The following OLFM2 variants were observed in gnomAD, a reference collection of about 807,000 sequenced individuals.
OLFM2 encodes the protein olfactomedin 2.
In OLFM2, 20 loss-of-function variants were observed where a neutral mutation model predicts 43.9. That is an observed-to-expected ratio of 0.46 (90% CI 0.32 to 0.66). The LOEUF (loss-of-function observed/expected upper bound fraction) is 0.66. OLFM2 is among the 30% of genes least tolerant of loss of function. The pLI is 0.04. For missense variants in OLFM2, 416 were observed against 643.6 expected, an observed-to-expected ratio of 0.65 and a Z score of 3.83; for synonymous variants, 268 against 278.6, an observed-to-expected ratio of 0.96 and a Z score of 0.38.
Position 9,857,489 on chromosome 19 carries a change from A to G in OLFM2, c.361-7T>C, listed in dbSNP as rs753512590. On this transcript the variant is annotated splice_polypyrimidine_tract_variant and splice_region_variant and intron_variant, in intron 3 of 5. Transcript: ENST00000264833. This position sits in a 1 kb window ranked among gnomAD's most constrained non-coding sequence, Gnocchi z 5.7. ...TCATCCTGTCCTTCAGCTCCTGTGC[A>G]TCAAGATGGAACCATGGCCAAGCCT... 1.2e-6 allele frequency: 2 copies of G among 1,613,060 alleles called. No individual in the cohort carries two copies. The highest frequency in any genetic ancestry group is 3.3e-5 in the Admixed American group (2 of 59,992).
intron 1 of OLFM2, among the ~76,000 whole-genome samples, chr19:9,903,402 C>A (rs1222226880): frequency 6.6e-6 from 1 of 152,208 alleles, no homozygotes; most frequent in Admixed American, 6.5e-5. Flanking sequence ...TATTCACTAA[C>A]ATGTTAATCA....
At chr19:9,911,497 A>T (rs1461088790) in intron 1 of OLFM2, among the ~76,000 whole-genome samples, 2 of 152,056 alleles carry the variant, frequency 1.3e-5, no homozygotes, top group African/African-American at 4.8e-5. Flanking sequence ...ACACATACAC[A>T]CTTACAGAAA....
intron 1 of OLFM2, among the ~76,000 whole-genome samples, chr19:9,888,140 A>G (rs141655959): frequency 3.0e-4 from 46 of 152,126 alleles, no homozygotes; most frequent in African/African-American, 8.2e-4. Context: ...TATTTCTTCT[A>G]TATCACCTCT....
rs756489823 is a variant in OLFM2, at chr19:9,854,146, C to A, written c.*40G>T. On this transcript the variant is annotated 3_prime_UTR_variant, in exon 6 of 6. Transcript: ENST00000264833. The surrounding 1 kb of genome is among the most constrained non-coding windows in gnomAD (Gnocchi z 9.5). Reference sequence around the variant, plus strand: ...CAGAATGAAAAGGGCCCCCAGCCCCCAGAGGCCCCCCAGGCAGCAGCCCGA... The same window carrying A: ...CAGAATGAAAAGGGCCCCCAGCCCCAAGAGGCCCCCCAGGCAGCAGCCCGA... 1 of 1,592,674 alleles carries A rather than the reference C, an allele frequency of 6.3e-7. No individual in the cohort carries two copies. The highest frequency in any genetic ancestry group is 1.1e-5 in the South Asian group (1 of 90,386).
rs911469005 is a variant in OLFM2 at position 9,913,710 on chromosome 19, G to A, written c.63+22594C>T. 18 of 1,034,228 alleles carry A rather than the reference G, an allele frequency of 1.7e-5. No homozygotes were observed. In the African/African-American group the frequency reaches 3.2e-4, roughly 18 times the overall value. 64.1% of individuals were successfully genotyped at this position (1,034,228 alleles called of 1,614,324 possible). On this transcript the variant is annotated intron_variant, in intron 1 of 5. Coordinates refer to ENST00000264833, the MANE Select transcript of OLFM2 (RefSeq NM_058164.4). ...CGGTCCCTCGACACCCAGGCGCCCC[G>A]GGGGGGCGTGGGGGAGGGGGCACGA...
At chr19:9,910,020 T>C (rs535980338) in intron 1 of OLFM2, among the ~76,000 whole-genome samples, 1 of 152,190 alleles carries the variant, frequency 6.6e-6, no homozygotes, top group Admixed American at 6.6e-5. Context: ...AACACAGATG[T>C]CTTCAAGGAT....
Position 9,854,962 on chromosome 19 carries a change from G to A in OLFM2, c.688-99C>T. On this transcript the variant is annotated intron_variant, in intron 5 of 5. Transcript: ENST00000264833. This position sits in a 1 kb window ranked among gnomAD's most constrained non-coding sequence, Gnocchi z 9.5. The stretch of plus-strand genomic sequence containing the variant: ...ATTAGAGTTCAACAGTCACTAAGTG[G>A]TCATTAGTCATGGGAACTCTGTTGA... 2 of 890,732 alleles carry A rather than the reference G, an allele frequency of 2.2e-6. No individual in the cohort carries two copies. Among genetic ancestry groups the A allele is most frequent in the South Asian group, 3.5e-5 (2 of 56,354 alleles). 55.2% of individuals were successfully genotyped at this position (890,732 alleles called of 1,614,324 possible).
At position 9,936,287 on chromosome 19, in the gene OLFM2, G is replaced by T; in HGVS notation, c.63+17C>A. 6.5e-7 allele frequency: 1 copy of T among 1,527,466 alleles called. No individual in the cohort carries two copies. The highest frequency in any genetic ancestry group is 8.7e-7 in the Non-Finnish European group (1 of 1,143,612). 94.6% of individuals were successfully genotyped at this position (1,527,466 alleles called of 1,614,324 possible). On this transcript the variant is annotated intron_variant, in intron 1 of 5. Coordinates refer to ENST00000264833, the MANE Select transcript of OLFM2 (RefSeq NM_058164.4). Reference sequence around the variant, plus strand: ...CCCGGAGCCACCCGCGCCCGCACCTGCCCGCCGGGCCCCTACCTGTCCGGC... The same window carrying T: ...CCCGGAGCCACCCGCGCCCGCACCTTCCCGCCGGGCCCCTACCTGTCCGGC...
chr19:9,891,806 A>G (rs1380055387), intron 1 of OLFM2, among the ~76,000 whole-genome samples: 1 of 152,160 alleles, frequency 6.6e-6, no homozygotes, highest in Non-Finnish European at 1.5e-5. Flanking sequence ...ACTGGCACAG[A>G]GCCAGTGAGT....
Position 9,876,637 on chromosome 19 carries a change from C to T in OLFM2, c.64-15843G>A, listed in dbSNP as rs2046490937. 2.6e-5 allele frequency among the ~76,000 whole-genome samples: 4 copies of T among 152,154 alleles called. No homozygotes were observed. In the South Asian group the frequency reaches 8.3e-4, roughly 32 times the overall value. On this transcript the variant is annotated intron_variant, in intron 1 of 5. Transcript: ENST00000264833. ...GAGTCTCAAATGCATTCAATTCCCC[C>T]AGTGGAGGTGGGAGGACGTGGTCAT...
chr19:9,899,735 T>TA (rs1227559877), intron 1 of OLFM2, among the ~76,000 whole-genome samples: 1 of 151,804 alleles, frequency 6.6e-6, no homozygotes, highest in Admixed American at 6.6e-5. Flanking sequence ...TATTTTTTTT[T>TA]AGAGATAGGG....
chr19:9,880,969 C>G (rs546452506), intron 1 of OLFM2, among the ~76,000 whole-genome samples: 1 of 152,300 alleles, frequency 6.6e-6, no homozygotes, highest in Admixed American at 6.5e-5. Flanking sequence ...GCAATGTAGG[C>G]TCACTGCAGC....
At chr19:9,890,055 G>C (rs1476673811) in intron 1 of OLFM2, among the ~76,000 whole-genome samples, 1 of 152,084 alleles carries the variant, frequency 6.6e-6, no homozygotes, top group African/African-American at 2.4e-5. Context: ...GTGGCGCTGG[G>C]AGCTCACACG....
chr19:9,900,990 G>GGAAGGAAGGGAGGGAGGGAA, intron 1 of OLFM2, among the ~76,000 whole-genome samples: 1 of 50,748 alleles, frequency 2.0e-5, no homozygotes, highest in African/African-American at 1.2e-4. Flanking sequence ...AAGGAAGGAA[G>GGAAGGAAGGGAGGGAGGGAA]GGAGGGAGGG....
chr19:9,907,528 G>A (rs1380977525), intron 1 of OLFM2, among the ~76,000 whole-genome samples: 1 of 152,102 alleles, frequency 6.6e-6, no homozygotes, highest in Non-Finnish European at 1.5e-5. Flanking sequence ...CCTGCCCTCT[G>A]TCACCAAATC....
At chr19:9,928,868 C>T (rs2086467936) in intron 1 of OLFM2, among the ~76,000 whole-genome samples, 2 of 151,946 alleles carry the variant, frequency 1.3e-5, no homozygotes, top group Admixed American at 1.3e-4. Context: ...ATCTACTCTC[C>T]CTACTCTCTG....
chr19:9,921,545 G>T (rs931424130), intron 1 of OLFM2, among the ~76,000 whole-genome samples: 4 of 151,176 alleles, frequency 2.6e-5, no homozygotes, highest in African/African-American at 4.9e-5. Flanking sequence ...CTGGAGTGCA[G>T]TGGCATGATC....
At chr19:9,884,696 A>C (rs1208591151) in intron 1 of OLFM2, among the ~76,000 whole-genome samples, 1 of 152,158 alleles carries the variant, frequency 6.6e-6, no homozygotes, top group African/African-American at 2.4e-5. Context: ...CTTCCTGTGC[A>C]CATCTCCACA....
At chr19:9,878,817 T>C (rs986251116) in intron 1 of OLFM2, among the ~76,000 whole-genome samples, 1 of 152,168 alleles carries the variant, frequency 6.6e-6, no homozygotes, top group Non-Finnish European at 1.5e-5. Context: ...CACAGAACAC[T>C]GGAAGACCTG....
Sources: gnomAD v4.1 joint callset for allele counts (sites outside exome capture counted in the v4.1 genomes callset) on GRCh38, gnomAD v4.1.1 for gene constraint, Gnocchi (gnomAD v3.1) non-coding constraint, MANE v1.5 for transcripts, NCBI Gene and HGNC (gene_info 2026-07-23, HGNC 2026-07-21) for gene names.